HLA-DRB1: variants seen among roughly 807,000 people sequenced by gnomAD.
The protein encoded by HLA-DRB1 is major histocompatibility complex, class II, DR beta 1 precursor.
In HLA-DRB1, 10 loss-of-function variants were observed where a neutral mutation model predicts 27.9. The observed-to-expected ratio is 0.36, with a 90% CI of 0.22 to 0.61. The LOEUF (loss-of-function observed/expected upper bound fraction) is 0.61. Among genes scored for constraint, HLA-DRB1 ranks in the 20% least tolerant of loss-of-function variants. HLA-DRB1 has a pLI of 0.73. For missense variants in HLA-DRB1, 118 were observed against 306.3 expected, an observed-to-expected ratio of 0.39 and a Z score of 4.59; for synonymous variants, 57 against 126.7, an observed-to-expected ratio of 0.45 and a Z score of 3.69.
chr6:32,586,710 T>C (rs9270096), intron 1 of HLA-DRB1, among the ~76,000 whole-genome samples: 1 of 64,484 alleles, frequency 1.6e-5, no homozygotes, highest in African/African-American at 7.3e-5. Context: ...CCTTCGGATT[T>C]CTCCACATAA....
At chr6:32,581,079 T>C in intron 3 of HLA-DRB1, among the ~76,000 whole-genome samples, 1 of 89,110 alleles carries the variant, frequency 1.1e-5, no homozygotes, top group Non-Finnish European at 2.4e-5. Flanking sequence ...AAGGCACAAG[T>C]TCAACATCTG....
At chr6:32,582,607 T>G (rs28724002) in intron 2 of HLA-DRB1, among the ~76,000 whole-genome samples, 45,096 of 65,126 alleles carry the variant, frequency 0.69, 18,265 homozygotes, top group Middle Eastern at 0.84. Flanking sequence ...AAATTTTTAC[T>G]TTCCTAGAAA....
chr6:32,583,826 G>A (rs41285646), intron 2 of HLA-DRB1, among the ~76,000 whole-genome samples: 7,723 of 44,294 alleles, frequency 0.17, 1,610 homozygotes, highest in Middle Eastern at 0.27. Context: ...TCCCCACAGA[G>A]GTCTCCAAGG....
intron 1 of HLA-DRB1, among the ~76,000 whole-genome samples, chr6:32,587,681 G>T (rs34596127): frequency 0.18 from 14,007 of 78,898 alleles, 1,849 homozygotes; most frequent in Admixed American, 0.27. Flanking sequence ...ACTTTCTCAG[G>T]TGGAGCTCCC....
rs41285654 is a variant in HLA-DRB1 at position 32,584,097 on chromosome 6, G to C, written c.370+12C>G. 3,664 of 466,714 alleles carry C rather than the reference G, an allele frequency of 7.9e-3. 868 individuals are homozygous for C. The highest frequency in any genetic ancestry group is 0.022 in the Admixed American group (391 of 17,708). The allele number at this position is 466,714 out of a possible 1,614,324, so 28.9% of individuals were successfully genotyped here. ...TCACGGGGACTCAGGCCCCGCCCGC[G>C]GCCATGCTCACCTCGCCGCTGCACT... On this transcript the variant is annotated intron_variant, in intron 2 of 5. Transcript: ENST00000360004.
chr6:32,584,721 G>GATC (rs1776142918), intron 1 of HLA-DRB1, among the ~76,000 whole-genome samples: 1 of 22,520 alleles, frequency 4.4e-5, no homozygotes. Flanking sequence ...GACACTCTCT[G>GATC]CTCCTCTCAT....
At chr6:32,584,930 C>G (rs9269996) in intron 1 of HLA-DRB1, among the ~76,000 whole-genome samples, 34,143 of 53,366 alleles carry the variant, frequency 0.64, 13,996 homozygotes, top group Admixed American at 0.68. Flanking sequence ...GCTTAGACAG[C>G]AATGAGAAAT....
At position 32,587,251 on chromosome 6, in the gene HLA-DRB1, A is replaced by G. The variant is rs13196446; in HGVS notation, c.100+2392T>C. Among the ~76,000 whole-genome samples the G allele has an allele frequency of 3.7e-5, 2 of 54,340 alleles. 1 individual carries two copies. Among genetic ancestry groups the G allele is most frequent in the Non-Finnish European group, 7.3e-5 (2 of 27,270 alleles). 35.6% of individuals were successfully genotyped at this position (54,340 alleles called of 152,430 possible). On this transcript the variant is annotated intron_variant, in intron 1 of 5. Transcript: ENST00000360004. Reference sequence around the variant, plus strand: ...CAAAAAATTAGCCAGGTGTGGTGGCATGCGCCTGTGGCCCCAGCTAATCGG... The same window carrying G: ...CAAAAAATTAGCCAGGTGTGGTGGCGTGCGCCTGTGGCCCCAGCTAATCGG...
At chr6:32,585,199 A>G (rs1456182418) in intron 1 of HLA-DRB1, among the ~76,000 whole-genome samples, 2 of 91,950 alleles carry the variant, frequency 2.2e-5, no homozygotes, top group African/African-American at 9.8e-5. Flanking sequence ...AGTTTCTCCT[A>G]TACATCAGAA....
At chr6:32,583,140 C>T (rs1357903781) in intron 2 of HLA-DRB1, among the ~76,000 whole-genome samples, 10 of 68,216 alleles carry the variant, frequency 1.5e-4, no homozygotes, top group Non-Finnish European at 2.4e-4. Flanking sequence ...AGATATTAGA[C>T]CGTAGATCAT....
chr6:32,584,865 T>A (rs9269992), intron 1 of HLA-DRB1, among the ~76,000 whole-genome samples: 34,423 of 97,194 alleles, frequency 0.35, 4,217 homozygotes, highest in Admixed American at 0.39. Context: ...TCTCCACTCC[T>A]CTGGGGGAGC....
intron 1 of HLA-DRB1, among the ~76,000 whole-genome samples, chr6:32,586,489 C>T (rs9379356): frequency 0.2 from 13,080 of 66,638 alleles, 2,955 homozygotes; most frequent in Admixed American, 0.24. Context: ...TGGACTTACA[C>T]ACATGATGTT....
intron 2 of HLA-DRB1, among the ~76,000 whole-genome samples, chr6:32,583,487 A>C (rs796303427): frequency 4.1e-5 from 2 of 48,772 alleles, no homozygotes; most frequent in African/African-American, 7.6e-5. Context: ...ACACTGAAAA[A>C]AACAAAAAAC....
intron 2 of HLA-DRB1, among the ~76,000 whole-genome samples, chr6:32,583,159 A>G (rs9269882): frequency 0.28 from 16,630 of 58,682 alleles, 5,321 homozygotes; most frequent in Admixed American, 0.32. Context: ...ATTGTCCATT[A>G]CCTACCAAAT....
At chr6:32,588,011 C>A (rs34913957) in intron 1 of HLA-DRB1, among the ~76,000 whole-genome samples, 18,480 of 134,814 alleles carry the variant, frequency 0.14, 58 homozygotes, top group East Asian at 0.17. Context: ...GCTCAAGCTC[C>A]AGCACTCTTT....
chr6:32,581,395 TAGAA>T (rs1314988413), intron 3 of HLA-DRB1, among the ~76,000 whole-genome samples, 158 bp downstream of exon 3: 363 of 74,902 alleles, frequency 4.8e-3, no homozygotes, highest in African/African-American at 6.3e-3. Context: ...CAGGTGTTTC[TAGAA>T]ACACCTACAG....
intron 1 of HLA-DRB1, among the ~76,000 whole-genome samples, chr6:32,585,425 G>A (rs1581796427): frequency 7.0e-6 from 1 of 142,900 alleles, no homozygotes. Flanking sequence ...TCTATCAAAT[G>A]CATTTAATAA....
At chr6:32,583,921 T>C (rs9269930) in intron 2 of HLA-DRB1, among the ~76,000 whole-genome samples, 188 bp downstream of exon 2, 1,528 of 26,574 alleles carry the variant, frequency 0.057, 173 homozygotes, top group East Asian at 0.094. Flanking sequence ...ACACCTGTGC[T>C]CTCAGAACTG....
intron 1 of HLA-DRB1, among the ~76,000 whole-genome samples, chr6:32,585,327 C>T (rs1776241456): frequency 2.4e-5 from 2 of 82,246 alleles, no homozygotes; most frequent in Admixed American, 2.9e-4. Context: ...GATGGTCAAA[C>T]TCTCAAACTC....
Sources: gnomAD v4.1 joint callset for allele counts (sites outside exome capture counted in the v4.1 genomes callset) on GRCh38, gnomAD v4.1.1 for gene constraint, MANE v1.5 for transcripts, NCBI Gene and HGNC (gene_info 2026-07-23, HGNC 2026-07-21) for gene names.